The following LIG1 variants were observed in gnomAD, a reference collection of about 807,000 sequenced individuals.
LIG1 encodes the protein DNA ligase 1, also known as ligase I, DNA, ATP-dependent.
LIG1 carries 70 observed loss-of-function variants against 115.7 expected under a neutral mutation model. That is an observed-to-expected ratio of 0.60 (90% CI 0.50 to 0.74). The LOEUF (loss-of-function observed/expected upper bound fraction) is 0.74, where lower values mean the gene tolerates loss of function less well. LIG1 is among the 30% of genes least tolerant of loss of function. The pLI is 0.00. For synonymous variants in LIG1, 487 were observed against 495.3 expected (o/e 0.98, Z 0.22); for missense variants, 1,115 against 1,225.6 (o/e 0.91, Z 1.35).
chr19:48,126,822 G>A (rs1485987860), intron 21 of LIG1, among the ~76,000 whole-genome samples: 3 of 150,738 alleles, frequency 2.0e-5, no homozygotes, highest in Admixed American at 1.3e-4. Context: ...GGGCTCAAGC[G>A]ATCCTCCCAC....
At chr19:48,163,476 A>G (rs2123048300) in intron 2 of LIG1, among the ~76,000 whole-genome samples, 1 of 151,968 alleles carries the variant, frequency 6.6e-6, no homozygotes, top group Non-Finnish European at 1.5e-5. Flanking sequence ...CTGCCTCCCA[A>G]AGTGCTGGGA....
intron 7 of LIG1, among the ~76,000 whole-genome samples, chr19:48,150,991 G>A (rs906847918): frequency 1.3e-5 from 2 of 151,800 alleles, no homozygotes; most frequent in Non-Finnish European, 2.9e-5. Context: ...GTGAGGCACC[G>A]TACCCGGCCT....
At chr19:48,146,187 T>G (rs1412857469) in intron 9 of LIG1, 4 of 152,234 alleles carry the variant, frequency 2.6e-5, no homozygotes, top group African/African-American at 9.7e-5. Flanking sequence ...AGAGGGGAAG[T>G]GACCAGGCTA....
Position 48,121,176 on chromosome 19 carries a change from T to A in LIG1, c.2379A>T (p.Ile793=), listed in dbSNP as rs528082507. The A allele has an allele frequency of 6.2e-7, 1 of 1,614,142 alleles. No homozygotes were observed. The highest frequency in any genetic ancestry group is 1.3e-5 in the African/African-American group (1 of 75,050). The change falls in exon 24 of 28, where the codon ATA becomes ATT. Residue 793 remains isoleucine, a synonymous_variant. Coordinates refer to ENST00000263274, the MANE Select transcript of LIG1 (RefSeq NM_000234.3). ...YDEDSEELQA[I]CKLGTGFSDE... ...AGCCCCAGTTCCCCAGGACCTTGCA[T>A]ATGGCCTGCAGCTCCTCACTGTCCT...
At chr19:48,127,739 G>C (rs867453941) in intron 20 of LIG1, 171 bp downstream of exon 20, 7 of 742,028 alleles carry the variant, frequency 9.4e-6, no homozygotes, top group South Asian at 2.9e-5. Flanking sequence ...TGGGATGCTG[G>C]GATGAGAATG....
Position 48,115,956 on chromosome 19 carries a change from C to A in LIG1, c.2593G>T (p.Asp865Tyr), listed in dbSNP as rs1401333056. 1 of 1,613,360 alleles carries A rather than the reference C, an allele frequency of 6.2e-7. No individual in the cohort carries two copies. The highest frequency in any genetic ancestry group is 8.5e-7 in the Non-Finnish European group (1 of 1,179,836). ...YPAARGLVDS[D>Y]KGISLRFPRF... ...GGGAAGCGAAGGGAGATGCCCTTGTCACTATCCACCTGCGGAAGCGGGATG... is the reference window on the plus strand; with the variant it reads ...GGGAAGCGAAGGGAGATGCCCTTGTAACTATCCACCTGCGGAAGCGGGATG... Residue 865 changes from aspartate to tyrosine, a missense_variant, in exon 27 of 28, where the codon GAC becomes TAC. Coordinates refer to ENST00000263274, the MANE Select transcript of LIG1 (RefSeq NM_000234.3).
rs778661516 is a variant in LIG1 at position 48,153,911 on chromosome 19, C to T, written c.427G>A (p.Asp143Asn). The change falls in exon 6 of 28, where the codon GAC (aspartate) becomes AAC (asparagine). Residue 143 changes from aspartate to asparagine, a missense_variant. Coordinates refer to ENST00000263274, the MANE Select transcript of LIG1 (RefSeq NM_000234.3). Reference protein sequence around the residue: ...IQEVLEEQSEDEDREAKRKKE... With the variant: ...IQEVLEEQSENEDREAKRKKE... Reference sequence around the variant, plus strand: ...TTCCTCTTGGCTTCTCTGTCCTCGTCCTCACTCTGCTCTTCCAGGACTTCC... The same window carrying T: ...TTCCTCTTGGCTTCTCTGTCCTCGTTCTCACTCTGCTCTTCCAGGACTTCC... The T allele has an allele frequency of 1.5e-5, 24 of 1,611,640 alleles. No homozygotes were observed. The South Asian group carries it at 2.1e-4, about 14-fold the overall frequency.
At chr19:48,155,106 G>A (rs1040703285) in intron 5 of LIG1, among the ~76,000 whole-genome samples, 8 of 152,172 alleles carry the variant, frequency 5.3e-5, no homozygotes, top group South Asian at 2.1e-4. Context: ...CAACCTCAGC[G>A]TCCACCTGGA....
chr19:48,124,100 G>A (rs1357206256), intron 21 of LIG1, among the ~76,000 whole-genome samples: 4 of 152,072 alleles, frequency 2.6e-5, no homozygotes, highest in African/African-American at 9.7e-5. Flanking sequence ...TTGTTCGATC[G>A]GTCCCCACCC....
At chr19:48,123,049 A>G (rs754225180) in intron 22 of LIG1, 33 bp from the exon 23 acceptor site, 4 of 1,612,224 alleles carry the variant, frequency 2.5e-6, no homozygotes, top group Non-Finnish European at 2.5e-6. Flanking sequence ...GTCCTTGGGA[A>G]GCCCTGGCTC....
chr19:48,156,377 C>T (rs749226791), intron 5 of LIG1, among the ~76,000 whole-genome samples: 2 of 152,222 alleles, frequency 1.3e-5, no homozygotes, highest in African/African-American at 2.4e-5. Context: ...TAACTACAGT[C>T]ACAATGACCC....
chr19:48,166,534 C>A (rs2036492201), intron 1 of LIG1, among the ~76,000 whole-genome samples: 1 of 152,152 alleles, frequency 6.6e-6, no homozygotes, highest in Admixed American at 6.6e-5. Flanking sequence ...TTTTAATATG[C>A]ATGCTTTTGC....
At chr19:48,142,769 G>C (rs1194920152) in intron 11 of LIG1, among the ~76,000 whole-genome samples, 1 of 152,042 alleles carries the variant, frequency 6.6e-6, no homozygotes, top group South Asian at 2.1e-4. Context: ...TCAGCCTCCT[G>C]AGTAGCCGGG....
chr19:48,115,584 G>T lies in LIG1; in HGVS notation c.*65C>A. The stretch of plus-strand genomic sequence containing the variant: ...CACAGCAGATTTGCTAAAAAGCAAA[G>T]GCAATAATAACCCTGGGGTCCGTCC... On this transcript the variant is annotated 3_prime_UTR_variant, in exon 28 of 28. Transcript: ENST00000263274. The T allele has an allele frequency of 8.2e-7, 1 of 1,224,802 alleles. No individual in the cohort carries two copies. Among genetic ancestry groups the T allele is most frequent in the Non-Finnish European group, 1.2e-6 (1 of 829,684 alleles). 75.9% of individuals were successfully genotyped at this position (1,224,802 alleles called of 1,614,324 possible).
In LIG1 at chr19:48,117,656, G is replaced by GTAGA; in HGVS notation, c.2561_2564dup (p.Pro856LeufsTer10). The GTAGA allele has an allele frequency of 6.2e-7, 1 of 1,612,910 alleles. No individual in the cohort carries two copies. Among genetic ancestry groups the GTAGA allele is most frequent in the Non-Finnish European group, 8.5e-7 (1 of 1,179,690 alleles). ...CACTCACCAGGCCCCGCGCAGCAGG[G>GTAGA]TAGATGGGAGAGAGGGAGAGGTCAG... On this transcript the variant is annotated frameshift_variant, in exon 26 of 28. Transcript: ENST00000263274. LOFTEE classifies it high-confidence loss of function.
At chr19:48,143,671 T>G in intron 10 of LIG1, 72 bp from the exon 11 acceptor site, 1 of 1,340,596 alleles carries the variant, frequency 7.5e-7, no homozygotes, top group South Asian at 1.2e-5. Flanking sequence ...GCACCCTTGC[T>G]TCCTCACGCC....
At chr19:48,139,913 G>T in intron 12 of LIG1, 58 bp downstream of exon 12, 18 of 1,585,784 alleles carry the variant, frequency 1.1e-5, no homozygotes, top group Non-Finnish European at 1.6e-5. Context: ...CCTGACCTCT[G>T]CATTTTCTCT....
chr19:48,120,076 A>G (rs1370270660), intron 24 of LIG1: 6 of 517,748 alleles, frequency 1.2e-5, no homozygotes, highest in East Asian at 1.5e-4. Context: ...AATGGTGACA[A>G]TGTAGATTGG....
chr19:48,165,894 C>A, intron 1 of LIG1: 1 of 427,132 alleles, frequency 2.3e-6, no homozygotes, highest in Non-Finnish European at 4.2e-6. Flanking sequence ...GACTGAGGAC[C>A]TGAAATGGGT....
Sources: gnomAD v4.1 joint callset for allele counts (sites outside exome capture counted in the v4.1 genomes callset) on GRCh38, gnomAD v4.1.1 for gene constraint, MANE v1.5 for transcripts, NCBI Gene and HGNC (gene_info 2026-07-23, HGNC 2026-07-21) for gene names.